Variants in CFAP70 observed in about 807,000 individuals in gnomAD.
CFAP70 encodes the protein cilia and flagella associated protein 70, also known as cilia- and flagella-associated protein 70.
Under a neutral mutation model 137.6 loss-of-function variants are expected in CFAP70, and 81 were observed. The ratio of observed to expected loss-of-function variants is 0.59; its 90% CI spans 0.49 to 0.71. CFAP70 has a LOEUF of 0.71. Among genes scored for constraint, CFAP70 ranks in the 30% least tolerant of loss-of-function variants. CFAP70 has a pLI of 0.00. For synonymous variants in CFAP70, 382 were observed against 423.6 expected (o/e 0.90, Z 1.20); for missense variants, 976 against 1,226.7 (o/e 0.80, Z 3.05).
chr10:73,342,566 G>T (rs1287415094), intron 5 of CFAP70, among the ~76,000 whole-genome samples: 1 of 151,900 alleles, frequency 6.6e-6, no homozygotes, highest in Non-Finnish European at 1.5e-5. Context: ...GATAGATAGA[G>T]AGATATATAG....
chr10:73,336,936 T>A (rs939138782), intron 6 of CFAP70, among the ~76,000 whole-genome samples: 13 of 152,134 alleles, frequency 8.5e-5, no homozygotes, highest in African/African-American at 2.4e-4. Flanking sequence ...TTAATAAGTA[T>A]ATTAAAGTAT....
At chr10:73,346,918 A>G (rs1002207434) in intron 4 of CFAP70, 1 of 152,194 alleles carries the variant, frequency 6.6e-6, no homozygotes, top group Non-Finnish European at 1.5e-5. Flanking sequence ...ATAATTCTGG[A>G]TAAGAACAGT....
intron 25 of CFAP70, among the ~76,000 whole-genome samples, chr10:73,263,797 T>G (rs945385492): frequency 6.6e-6 from 1 of 152,212 alleles, no homozygotes; most frequent in African/African-American, 2.4e-5. Flanking sequence ...ATTTTCTTAC[T>G]CCTTGAACTT....
chr10:73,336,934 T>C (rs117141722), intron 6 of CFAP70, among the ~76,000 whole-genome samples: 2 of 152,234 alleles, frequency 1.3e-5, no homozygotes, highest in Admixed American at 6.5e-5. Flanking sequence ...AATTAATAAG[T>C]ATATTAAAGT....
At chr10:73,278,650 A>G (rs2046983347) in intron 19 of CFAP70, among the ~76,000 whole-genome samples, 1 of 152,178 alleles carries the variant, frequency 6.6e-6, no homozygotes, top group African/African-American at 2.4e-5. Flanking sequence ...TTACATACAG[A>G]TCTTTGCAAG....
chr10:73,260,774 T>C (rs1420583253), intron 25 of CFAP70, among the ~76,000 whole-genome samples: 1 of 152,226 alleles, frequency 6.6e-6, no homozygotes, highest in African/African-American at 2.4e-5. Context: ...TTATCCATAT[T>C]GTTACATGAA....
At chr10:73,355,548 C>A (rs113983851) in intron 1 of CFAP70, among the ~76,000 whole-genome samples, 1 of 152,082 alleles carries the variant, frequency 6.6e-6, no homozygotes, top group Non-Finnish European at 1.5e-5. Flanking sequence ...GAAGGCGAGG[C>A]GGGCGGATCA....
At chr10:73,343,748 G>A (rs187461254) in intron 5 of CFAP70, among the ~76,000 whole-genome samples, 75 of 152,064 alleles carry the variant, frequency 4.9e-4, no homozygotes, top group Non-Finnish European at 7.6e-4. Flanking sequence ...CTAGGACCTG[G>A]TAGGGCAACC....
intron 26 of CFAP70, among the ~76,000 whole-genome samples, chr10:73,255,706 G>A (rs1158241294): frequency 1.3e-5 from 2 of 151,828 alleles, no homozygotes; most frequent in Non-Finnish European, 2.9e-5. Flanking sequence ...CAAGACGCTC[G>A]GCTAATTTTT....
intron 25 of CFAP70, among the ~76,000 whole-genome samples, chr10:73,267,712 C>A (rs1052383430): frequency 2.6e-5 from 4 of 152,200 alleles, no homozygotes; most frequent in East Asian, 1.9e-4. Context: ...TCAACTAGTT[C>A]TTTGCTTAGG....
At chr10:73,343,484 G>A (rs1419372927) in intron 5 of CFAP70, among the ~76,000 whole-genome samples, 7 of 152,148 alleles carry the variant, frequency 4.6e-5, no homozygotes, top group East Asian at 3.9e-4. Flanking sequence ...TGAGACATGC[G>A]GATCACCTGA....
chr10:73,354,131 A>G (rs1400194522), intron 2 of CFAP70, among the ~76,000 whole-genome samples: 1 of 152,246 alleles, frequency 6.6e-6, no homozygotes, highest in Non-Finnish European at 1.5e-5. Context: ...AAAGTAAGAA[A>G]ATTAATTACC....
At chr10:73,336,168 C>T (rs149104868) in intron 6 of CFAP70, among the ~76,000 whole-genome samples, 20 of 151,476 alleles carry the variant, frequency 1.3e-4, no homozygotes, top group African/African-American at 4.6e-4. Context: ...AAACACCTGG[C>T]ATTGGTACTA....
rs536239694 is a variant in CFAP70, at chr10:73,262,690, C to T, written c.3028-6274G>A. Among the ~76,000 whole-genome samples, 263 of 152,088 alleles carry T rather than the reference C, an allele frequency of 1.7e-3. 1 individual carries two copies. The highest frequency in any genetic ancestry group is 2.9e-3 in the African/African-American group (122 of 41,490). ...TAATAATTATTTTAAAAAAGAAATTCGTGCATGGTATATATAGGATTCAGT... is the reference window on the plus strand; with the variant it reads ...TAATAATTATTTTAAAAAAGAAATTTGTGCATGGTATATATAGGATTCAGT... On this transcript the variant is annotated intron_variant, in intron 25 of 26. Transcript: ENST00000310715.
At chr10:73,327,886 T>A (rs986122030) in intron 8 of CFAP70, among the ~76,000 whole-genome samples, 1 of 152,122 alleles carries the variant, frequency 6.6e-6, no homozygotes, top group Admixed American at 6.5e-5. Flanking sequence ...GTAGGAAGAA[T>A]CAATATCGTG....
chr10:73,344,023 C>T (rs868101801), intron 5 of CFAP70, among the ~76,000 whole-genome samples: 7 of 150,744 alleles, frequency 4.6e-5, no homozygotes, highest in Non-Finnish European at 1.0e-4. Context: ...ACAATCTTGG[C>T]GCAATCTTGG....
chr10:73,297,102 C>G (rs138288563), exon 15 of CFAP70: 2 of 1,613,800 alleles, frequency 1.2e-6, no homozygotes, highest in African/African-American at 2.7e-5. Flanking sequence ...TGATAAATGT[C>G]TGAAGTTCCT....
intron 6 of CFAP70, among the ~76,000 whole-genome samples, chr10:73,338,492 A>G (rs2052920820): frequency 6.9e-6 from 1 of 145,750 alleles, no homozygotes; most frequent in Admixed American, 7.1e-5. Flanking sequence ...GTGCAGTGGC[A>G]TGATCTCAGC....
intron 7 of CFAP70, among the ~76,000 whole-genome samples, chr10:73,331,898 C>T (rs557149371): frequency 2.0e-4 from 31 of 152,242 alleles, no homozygotes; most frequent in African/African-American, 7.0e-4. Context: ...GACAAGTTTA[C>T]AAATGGTATA....
Sources: gnomAD v4.1 joint callset for allele counts (sites outside exome capture counted in the v4.1 genomes callset) on GRCh38, gnomAD v4.1.1 for gene constraint, MANE v1.5 for transcripts, NCBI Gene and HGNC (gene_info 2026-07-23, HGNC 2026-07-21) for gene names.